CCDC83: variants seen among roughly 807,000 people sequenced by gnomAD.
The protein encoded by CCDC83 is coiled-coil domain containing 83.
In CCDC83, 54 loss-of-function variants were observed where a neutral mutation model predicts 50.1. The observed-to-expected ratio is 1.08, with a 90% CI of 0.87 to 1.35. CCDC83 has a LOEUF of 1.35. CCDC83 is among the 40% of genes most tolerant of loss of function. The pLI is 0.00. For synonymous variants in CCDC83, 161 were observed against 153.3 expected (o/e 1.05, Z -0.37); for missense variants, 518 against 473.9 (o/e 1.09, Z -0.86).
At chr11:85,909,965 T>C (rs912619545) in intron 7 of CCDC83, among the ~76,000 whole-genome samples, 2 of 152,206 alleles carry the variant, frequency 1.3e-5, no homozygotes, top group African/African-American at 4.8e-5. Context: ...TAGCATTATT[T>C]GGCCCTTCCT....
intron 7 of CCDC83, among the ~76,000 whole-genome samples, chr11:85,902,478 G>A (rs2093406662): frequency 6.6e-6 from 1 of 152,158 alleles, no homozygotes; most frequent in African/African-American, 2.4e-5. Context: ...TGATAATTGT[G>A]TTGCAGGCCT....
At chr11:85,874,511 C>A (rs1263787000) in intron 3 of CCDC83, among the ~76,000 whole-genome samples, 3 of 152,162 alleles carry the variant, frequency 2.0e-5, no homozygotes, top group African/African-American at 7.2e-5. Context: ...ATTAGTGGAC[C>A]CAGCAGTGAG....
At chr11:85,875,494 T>A (rs1337321840) in intron 3 of CCDC83, among the ~76,000 whole-genome samples, 1 of 152,264 alleles carries the variant, frequency 6.6e-6, no homozygotes, top group African/African-American at 2.4e-5. Context: ...TGTTTCCTCT[T>A]CCTGGAATGC....
intron 2 of CCDC83, among the ~76,000 whole-genome samples, chr11:85,872,358 G>A (rs113529766): frequency 0.14 from 21,286 of 152,036 alleles, 1,805 homozygotes; most frequent in Middle Eastern, 0.2. Flanking sequence ...GGGGGCAGGC[G>A]CCTATAATCC....
chr11:85,900,293 C>T (rs2093395122), intron 7 of CCDC83, among the ~76,000 whole-genome samples: 1 of 152,288 alleles, frequency 6.6e-6, no homozygotes, highest in South Asian at 2.1e-4. Flanking sequence ...TACTTTTGAC[C>T]TAAGAACCTG....
chr11:85,867,494 G>C (rs1295904256), intron 2 of CCDC83, among the ~76,000 whole-genome samples: 1 of 152,200 alleles, frequency 6.6e-6, no homozygotes, highest in Non-Finnish European at 1.5e-5. Context: ...GAAGGGATCA[G>C]AACACCAAGA....
At chr11:85,881,183 A>G (rs949146252) in intron 3 of CCDC83, among the ~76,000 whole-genome samples, 1 of 152,110 alleles carries the variant, frequency 6.6e-6, no homozygotes, top group Admixed American at 6.5e-5. Context: ...AGCCTGGCCA[A>G]CATGGTGAAA....
intron 8 of CCDC83, chr11:85,912,610 G>A: frequency 8.2e-7 from 1 of 1,214,190 alleles, no homozygotes; most frequent in Non-Finnish European, 1.2e-6. Flanking sequence ...TGCCCAGTAG[G>A]CAATGCTCAC....
At chr11:85,913,336 G>C (rs1207483406) in intron 8 of CCDC83, among the ~76,000 whole-genome samples, 2 of 152,086 alleles carry the variant, frequency 1.3e-5, no homozygotes, top group Admixed American at 6.6e-5. Flanking sequence ...AACTCCTTGA[G>C]GCAACTGTTT....
At chr11:85,916,411 C>A in intron 10 of CCDC83, 178 bp downstream of exon 10, 1 of 600,020 alleles carries the variant, frequency 1.7e-6, no homozygotes, top group Non-Finnish European at 2.9e-6. Context: ...CCTACTCTTG[C>A]CCAATTTGCT....
At chr11:85,897,293 C>T (rs543819038) in intron 6 of CCDC83, among the ~76,000 whole-genome samples, 2 of 152,308 alleles carry the variant, frequency 1.3e-5, no homozygotes, top group African/African-American at 2.4e-5. Flanking sequence ...TTATGACTTG[C>T]CTAGAGCAAG....
chr11:85,865,534 A>G (rs549182766), intron 2 of CCDC83, among the ~76,000 whole-genome samples: 27 of 152,354 alleles, frequency 1.8e-4, no homozygotes, highest in African/African-American at 6.0e-4. Flanking sequence ...ACCTATGTAT[A>G]CAACAGCTTG....
At chr11:85,904,122 A>C (rs1234448062) in intron 7 of CCDC83, among the ~76,000 whole-genome samples, 5 of 152,190 alleles carry the variant, frequency 3.3e-5, no homozygotes, top group Non-Finnish European at 7.3e-5. Flanking sequence ...CAGAGGTGCC[A>C]GGGAGCATGA....
At chr11:85,882,242 T>C (rs750558388) in intron 3 of CCDC83, among the ~76,000 whole-genome samples, 17 of 152,360 alleles carry the variant, frequency 1.1e-4, no homozygotes, top group East Asian at 3.9e-4. Context: ...CTTGGTATGA[T>C]GAGTGATTTA....
rs71468972 is a variant in CCDC83, at chr11:85,909,609, CTTTTTTTTTTTT to C, written c.673-1652_673-1641del. On this transcript the variant is annotated intron_variant, in intron 7 of 10. Coordinates refer to ENST00000342404, the MANE Select transcript of CCDC83 (RefSeq NM_001286159.2). ...TTTGGACAAAAGTCATCAAAATACA[CTTTTTTTTTTTT>C]TTTTTTTTTTTTTTTTTTTGAGACG... is the stretch of plus-strand genomic sequence containing the variant. 1.6e-4 allele frequency among the ~76,000 whole-genome samples: 9 copies of C among 57,724 alleles called. No homozygotes were observed. The South Asian group carries it at 3.1e-3, about 20-fold the overall frequency. 37.9% of individuals were successfully genotyped at this position (57,724 alleles called of 152,430 possible). A position where few individuals can be genotyped will look rare whatever the true frequency, so the allele number is the denominator to read the frequency against.
chr11:85,858,888 C>T (rs1339227266), intron 1 of CCDC83, among the ~76,000 whole-genome samples: 1 of 152,090 alleles, frequency 6.6e-6, no homozygotes, highest in Non-Finnish European at 1.5e-5. Context: ...TTCTCTTCCA[C>T]CTCATAACAA....
At chr11:85,899,529 A>C (rs1468788230) in intron 7 of CCDC83, among the ~76,000 whole-genome samples, 2 of 151,970 alleles carry the variant, frequency 1.3e-5, no homozygotes, top group African/African-American at 4.8e-5. Context: ...GAAAACTCCA[A>C]CTCACCCTCA....
At chr11:85,877,141 A>C (rs1206430937) in intron 3 of CCDC83, among the ~76,000 whole-genome samples, 2 of 152,212 alleles carry the variant, frequency 1.3e-5, no homozygotes, top group African/African-American at 4.8e-5. Context: ...TATAGATGAT[A>C]TTAAATTTAT....
intron 7 of CCDC83, among the ~76,000 whole-genome samples, chr11:85,902,932 G>GA (rs1439744204): frequency 6.6e-6 from 1 of 152,032 alleles, no homozygotes; most frequent in Non-Finnish European, 1.5e-5. Context: ...GTGTTTGATT[G>GA]AAAAAAATCT....
Sources: allele counts gnomAD v4.1 joint callset (sites outside exome capture counted in the v4.1 genomes callset), GRCh38; gene constraint gnomAD v4.1.1; transcripts MANE v1.5; gene names NCBI Gene and HGNC (gene_info 2026-07-23, HGNC 2026-07-21).